Variants in PCMTD1 observed in about 807,000 individuals in gnomAD.
PCMTD1 encodes the protein protein-L-isoaspartate (D-aspartate) O-methyltransferase domain containing 1, also known as protein-L-isoaspartate O-methyltransferase domain-containing protein 1.
In PCMTD1, 12 loss-of-function variants were observed where a neutral mutation model predicts 37.6. The observed-to-expected ratio is 0.32, with a 90% CI of 0.20 to 0.52. The LOEUF is 0.52. Among genes scored for constraint, PCMTD1 ranks in the 20% least tolerant of loss-of-function variants. The probability of loss-of-function intolerance (pLI) is 0.97; values close to 1 mark genes in which losing one functional copy is unlikely to be tolerated. For missense variants in PCMTD1, 235 were observed against 421.3 expected (o/e 0.56, Z 3.87); for synonymous variants, 117 against 135.8 (o/e 0.86, Z 0.96).
At chr8:51,897,104 T>C (rs1017751535) in intron 1 of PCMTD1, among the ~76,000 whole-genome samples, 1 of 152,236 alleles carries the variant, frequency 6.6e-6, no homozygotes, top group Non-Finnish European at 1.5e-5. Context: ...TTTCAGGCTA[T>C]GCATGTTTAG....
chr8:51,853,081 A>C (rs949089190), intron 2 of PCMTD1, among the ~76,000 whole-genome samples: 2 of 152,242 alleles, frequency 1.3e-5, no homozygotes, highest in Admixed American at 1.3e-4. Flanking sequence ...TACTTGAAGA[A>C]AGACGAAAGA....
upstream of PCMTD1, chr8:51,899,053 G>C: frequency 1.1e-5 from 16 of 1,505,034 alleles, no homozygotes; most frequent in Non-Finnish European, 1.3e-5. Context: ...GCGGGGCCCG[G>C]ACCCGCGACT....
At chr8:51,832,597 T>C (rs1355263204) in intron 4 of PCMTD1, among the ~76,000 whole-genome samples, 1 of 152,246 alleles carries the variant, frequency 6.6e-6, no homozygotes, top group African/African-American at 2.4e-5. Flanking sequence ...ATTGGAGATA[T>C]TTTTTAAATG....
chr8:51,822,192 G>C (rs1037929516), intron 5 of PCMTD1, among the ~76,000 whole-genome samples: 1 of 152,190 alleles, frequency 6.6e-6, no homozygotes, highest in Non-Finnish European at 1.5e-5. Context: ...AGGAAGACTA[G>C]TGCAGATGAA....
At chr8:51,824,303 G>A (rs747767137) in intron 5 of PCMTD1, among the ~76,000 whole-genome samples, 34 of 152,264 alleles carry the variant, frequency 2.2e-4, no homozygotes, top group Non-Finnish European at 3.4e-4. Context: ...AAACCCCATC[G>A]TCTCAGCCCA....
chr8:51,853,020 A>G (rs975324562), intron 2 of PCMTD1, among the ~76,000 whole-genome samples: 8 of 152,220 alleles, frequency 5.3e-5, no homozygotes, highest in Non-Finnish European at 1.2e-4. Flanking sequence ...TCCAGAGCTC[A>G]GCTGCCGGAC....
chr8:51,879,319 AT>A (rs1207375454), intron 1 of PCMTD1, among the ~76,000 whole-genome samples: 1 of 152,198 alleles, frequency 6.6e-6, no homozygotes, highest in Non-Finnish European at 1.5e-5. Context: ...CTAAAAAAAA[AT>A]AAAGTTGGAA....
chr8:51,897,174 A>C (rs1408689007), intron 1 of PCMTD1, among the ~76,000 whole-genome samples: 1 of 152,228 alleles, frequency 6.6e-6, no homozygotes, highest in African/African-American at 2.4e-5. Context: ...GCTAGCACCA[A>C]GATGAACACA....
intron 1 of PCMTD1, among the ~76,000 whole-genome samples, chr8:51,862,268 GTT>G (rs1316430686): frequency 6.6e-6 from 1 of 151,980 alleles, no homozygotes; most frequent in African/African-American, 2.4e-5. Flanking sequence ...TGTGCTGATT[GTT>G]TTGTTTAGTA....
In PCMTD1 at chr8:51,822,547, GATA is replaced by G. The variant is rs1667345127; in HGVS notation, c.707-1832_707-1830del. Among the ~76,000 whole-genome samples, 3 of 152,310 alleles carry G rather than the reference GATA, an allele frequency of 2.0e-5. No homozygotes were observed. The South Asian group carries it at 6.2e-4, about 32-fold the overall frequency. ...ATTTATCCAAAGTGGAGATTTCAGA[GATA>G]ATAATAACTACAATGTTATACTCGT... is the stretch of plus-strand genomic sequence containing the variant. On this transcript the variant is annotated intron_variant, in intron 5 of 5. Transcript: ENST00000522514.
chr8:51,843,865 C>A (rs1406895903), intron 3 of PCMTD1, among the ~76,000 whole-genome samples: 1 of 152,070 alleles, frequency 6.6e-6, no homozygotes, highest in Non-Finnish European at 1.5e-5. Context: ...TTATCTGTGT[C>A]TTCATGTATT....
chr8:51,821,249 C>T (rs2037844133), intron 5 of PCMTD1, among the ~76,000 whole-genome samples: 1 of 152,196 alleles, frequency 6.6e-6, no homozygotes, highest in Non-Finnish European at 1.5e-5. Flanking sequence ...AGGTGATCCT[C>T]CTGCCTCAGC....
chr8:51,820,205 T>C lies in PCMTD1; in HGVS notation c.*146A>G. The C allele has an allele frequency of 1.6e-6, 1 of 611,562 alleles. No individual in the cohort carries two copies. The highest frequency in any genetic ancestry group is 2.5e-6 in the Non-Finnish European group (1 of 398,104). 37.9% of individuals were successfully genotyped at this position (611,562 alleles called of 1,614,324 possible). ...ATTCTTTTATTCACTGAATACATCA[T>C]TTGTGTTACTGACAGAAACAAGTGA... is the stretch of plus-strand genomic sequence containing the variant. On this transcript the variant is annotated 3_prime_UTR_variant, in exon 6 of 6. Coordinates refer to ENST00000522514, the MANE Select transcript of PCMTD1 (RefSeq NM_052937.4).
At chr8:51,822,681 C>T (rs2037866147) in intron 5 of PCMTD1, among the ~76,000 whole-genome samples, 1 of 152,094 alleles carries the variant, frequency 6.6e-6, no homozygotes, top group South Asian at 2.1e-4. Context: ...CATAAGCCAC[C>T]ATAAGATTAT....
At chr8:51,832,207 T>C (rs1057480713) in intron 4 of PCMTD1, among the ~76,000 whole-genome samples, 7 of 152,208 alleles carry the variant, frequency 4.6e-5, no homozygotes, top group Admixed American at 1.3e-4. Context: ...ATAGAGTAAA[T>C]GTTTAACAAA....
chr8:51,817,575 A>T (rs541602152), downstream of PCMTD1: 2 of 35,556 alleles, frequency 5.6e-5, no homozygotes, highest in East Asian at 1.4e-3. Context: ...GCCATGGGAG[A>T]AAAATGCTTA....
intron 1 of PCMTD1, among the ~76,000 whole-genome samples, chr8:51,861,754 C>T (rs73592226): frequency 0.14 from 20,879 of 151,048 alleles, 2,616 homozygotes; most frequent in African/African-American, 0.32. Flanking sequence ...TAAGGTCTCA[C>T]TCTGTCACCC....
At chr8:51,871,270 G>A (rs1008282944) in intron 1 of PCMTD1, among the ~76,000 whole-genome samples, 3 of 152,226 alleles carry the variant, frequency 2.0e-5, no homozygotes, top group African/African-American at 7.2e-5. Context: ...AGTACATACA[G>A]AAGTCTGTGG....
chr8:51,872,837 T>C (rs1266666585), intron 1 of PCMTD1, among the ~76,000 whole-genome samples: 1 of 152,228 alleles, frequency 6.6e-6, no homozygotes, highest in Non-Finnish European at 1.5e-5. Context: ...ATTAATGTAC[T>C]GTGGAATGCA....
Sources: allele counts gnomAD v4.1 joint callset (sites outside exome capture counted in the v4.1 genomes callset), GRCh38; gene constraint gnomAD v4.1.1; transcripts MANE v1.5; gene names NCBI Gene and HGNC (gene_info 2026-07-23, HGNC 2026-07-21).